PARD3B: variants seen among roughly 807,000 people sequenced by gnomAD.
PARD3B encodes par-3 family cell polarity regulator beta.
PARD3B carries 103 observed loss-of-function variants against 130.2 expected under a neutral mutation model. The ratio of observed to expected loss-of-function variants is 0.79; its 90% CI spans 0.67 to 0.93. The LOEUF (loss-of-function observed/expected upper bound fraction) is 0.93. Ranked by LOEUF, PARD3B falls within the 40% of genes least tolerant of loss-of-function variation. The pLI is 0.00. For missense variants in PARD3B, 1,609 were observed against 1,499.2 expected (o/e 1.07, Z -1.21); for synonymous variants, 583 against 553.2 (o/e 1.05, Z -0.76).
chr2:205,379,113 A>G (rs776090171), intron 18 of PARD3B, among the ~76,000 whole-genome samples: 7 of 152,158 alleles, frequency 4.6e-5, no homozygotes, highest in Non-Finnish European at 1.0e-4. Flanking sequence ...ACTGATTCTC[A>G]CAGACTTTGA....
chr2:205,141,872 CTG>C (rs2032985153), intron 10 of PARD3B, among the ~76,000 whole-genome samples: 1 of 152,022 alleles, frequency 6.6e-6, no homozygotes. Flanking sequence ...AGTTTATGAA[CTG>C]TTTTTTAATT....
chr2:205,389,275 G>A (rs1358298317), intron 18 of PARD3B, among the ~76,000 whole-genome samples: 1 of 152,080 alleles, frequency 6.6e-6, no homozygotes, highest in Admixed American at 6.5e-5. Context: ...TACAAACTAA[G>A]TTAGGGCTCA....
intron 2 of PARD3B, among the ~76,000 whole-genome samples, chr2:204,939,896 C>T (rs1225384963): frequency 6.6e-6 from 1 of 152,076 alleles, no homozygotes; most frequent in Non-Finnish European, 1.5e-5. Flanking sequence ...GCCATTGGCC[C>T]CAAATGTACT....
intron 6 of PARD3B, among the ~76,000 whole-genome samples, chr2:205,114,067 T>A (rs891544258): frequency 1.3e-5 from 2 of 152,172 alleles, no homozygotes; most frequent in African/African-American, 4.8e-5. Flanking sequence ...ATAAAAGCAA[T>A]GTGTCATCAT....
At chr2:204,594,581 C>G (rs1425102376) in intron 1 of PARD3B, among the ~76,000 whole-genome samples, 1 of 152,178 alleles carries the variant, frequency 6.6e-6, no homozygotes. Context: ...CTCCAGCATT[C>G]TTATTTGGCA....
chr2:205,204,432 G>C (rs934798996), intron 15 of PARD3B, among the ~76,000 whole-genome samples: 1 of 151,892 alleles, frequency 6.6e-6, no homozygotes, highest in African/African-American at 2.4e-5. Context: ...TTCTTTTGCT[G>C]TGCAGAAGCT....
intron 2 of PARD3B, among the ~76,000 whole-genome samples, chr2:204,837,733 G>T (rs1185328514): frequency 6.6e-6 from 1 of 152,090 alleles, no homozygotes; most frequent in Non-Finnish European, 1.5e-5. Flanking sequence ...TACCCTAGTT[G>T]GGCAGCTCTA....
chr2:205,004,785 C>G (rs1695118079), intron 3 of PARD3B, among the ~76,000 whole-genome samples: 1 of 152,192 alleles, frequency 6.6e-6, no homozygotes, highest in African/African-American at 2.4e-5. Context: ...CATAAAGCAT[C>G]TCAGCTGAAA....
At chr2:204,684,593 C>A (rs1365206603) in intron 1 of PARD3B, among the ~76,000 whole-genome samples, 1 of 152,092 alleles carries the variant, frequency 6.6e-6, no homozygotes, top group East Asian at 1.9e-4. Context: ...ATGCTAGGAT[C>A]CTCCCTTTTT....
chr2:205,176,371 C>G lies in PARD3B; in HGVS notation c.1792-74C>G. The G allele has an allele frequency of 7.2e-7, 1 of 1,398,290 alleles. No homozygotes were observed. The highest frequency in any genetic ancestry group is 9.7e-7 in the Non-Finnish European group (1 of 1,030,314). 86.6% of individuals were successfully genotyped at this position (1,398,290 alleles called of 1,614,324 possible). A position where few individuals can be genotyped will look rare whatever the true frequency, so the allele number is the denominator to read the frequency against. ...AAAGACTATTCATACAGCGATCATT[C>G]TTTCACTTTGCTTCAACTGACCAAG... On this transcript the variant is annotated intron_variant, in intron 12 of 22. Transcript: ENST00000406610. The surrounding 1 kb of genome is among the most constrained non-coding windows in gnomAD (Gnocchi z 5.3).
intron 1 of PARD3B, among the ~76,000 whole-genome samples, chr2:204,579,572 G>T (rs2032442715): frequency 6.6e-6 from 1 of 152,212 alleles, no homozygotes; most frequent in Non-Finnish European, 1.5e-5. Context: ...TGGAAAATTG[G>T]AGAGGTATGA....
At chr2:204,987,814 C>T (rs539915940) in intron 3 of PARD3B, among the ~76,000 whole-genome samples, 1 of 152,126 alleles carries the variant, frequency 6.6e-6, no homozygotes, top group South Asian at 2.1e-4. Flanking sequence ...GAAACATTAT[C>T]TGTGATTCTT....
chr2:205,168,869 A>T (rs117091191), intron 11 of PARD3B, among the ~76,000 whole-genome samples: 1 of 152,246 alleles, frequency 6.6e-6, no homozygotes, highest in East Asian at 1.9e-4. Context: ...TATGTAGAAT[A>T]TAGAATGGTT....
intron 1 of PARD3B, among the ~76,000 whole-genome samples, chr2:204,679,164 A>G (rs2036702054): frequency 6.6e-6 from 1 of 152,182 alleles, no homozygotes; most frequent in Non-Finnish European, 1.5e-5. Flanking sequence ...ATTCCATTGC[A>G]TGGACATACT....
chr2:205,395,504 T>G (rs1040687984), intron 18 of PARD3B, among the ~76,000 whole-genome samples: 1 of 152,148 alleles, frequency 6.6e-6, no homozygotes, highest in Non-Finnish European at 1.5e-5. Context: ...CAACCCCCAC[T>G]CGTGTCTCTG....
At chr2:204,959,512 T>C (rs1690563438) in intron 2 of PARD3B, among the ~76,000 whole-genome samples, 1 of 152,186 alleles carries the variant, frequency 6.6e-6, no homozygotes, top group Non-Finnish European at 1.5e-5. Context: ...CATTGCTGGG[T>C]CAAATGGTAT....
Position 205,121,855 on chromosome 2 carries a change from G to C in PARD3B, c.1071G>C (p.Arg357Ser), listed in dbSNP as rs369826402. The change falls in exon 8 of 23, where the codon AGG (arginine) becomes AGC (serine). Residue 357 changes from arginine (R) to serine (S), a missense_variant. Transcript: ENST00000406610. The surrounding 1 kb of genome is among the most constrained non-coding windows in gnomAD (Gnocchi z 5.0). ...AAAACAAGAGTCCCCGAGTACCAAG[G>C]CTGGGAGGAAAACCATCCTCTCCCT... ...LQQNKSPRVP[R>S]LGGKPSSPSL... The C allele has an allele frequency of 1.4e-5, 23 of 1,613,988 alleles. No individual in the cohort carries two copies. The highest frequency in any genetic ancestry group is 1.9e-5 in the Non-Finnish European group (22 of 1,180,016).
chr2:205,533,577 C>A (rs760039952), intron 21 of PARD3B, among the ~76,000 whole-genome samples: 1 of 151,948 alleles, frequency 6.6e-6, no homozygotes, highest in Non-Finnish European at 1.5e-5. Context: ...TTTTTATCAT[C>A]GAGTTTAAAC....
intron 22 of PARD3B, among the ~76,000 whole-genome samples, chr2:205,602,847 A>T (rs2054843254): frequency 6.6e-6 from 1 of 151,934 alleles, no homozygotes; most frequent in Non-Finnish European, 1.5e-5. Context: ...AAGGTTTTTC[A>T]TGTCTCTATT....
Sources: gnomAD v4.1 joint callset for allele counts (sites outside exome capture counted in the v4.1 genomes callset) on GRCh38, gnomAD v4.1.1 for gene constraint, Gnocchi (gnomAD v3.1) non-coding constraint, MANE v1.5 for transcripts, NCBI Gene and HGNC (gene_info 2026-07-23, HGNC 2026-07-21) for gene names.